Variants in WDR20 observed in about 807,000 individuals in gnomAD.
WDR20 encodes WD repeat domain 20, also known as WD repeat-containing protein 20.
WDR20 carries 3 observed loss-of-function variants against 38.7 expected under a neutral mutation model. The ratio of observed to expected loss-of-function variants is 0.08; its 90% CI spans 0.04 to 0.20. The LOEUF (loss-of-function observed/expected upper bound fraction) is 0.20, where lower values mean the gene tolerates loss of function less well. Ranked by LOEUF, WDR20 falls within the 10% of genes least tolerant of loss-of-function variation. WDR20 has a pLI of 1.00. For missense variants in WDR20, 559 were observed against 727.7 expected (o/e 0.77, Z 2.67); for synonymous variants, 298 against 285.6 (o/e 1.04, Z -0.44).
intron 1 of WDR20, among the ~76,000 whole-genome samples, chr14:102,164,004 A>T (rs1043652689): frequency 9.2e-5 from 14 of 152,164 alleles, no homozygotes; most frequent in African/African-American, 3.1e-4. Context: ...CAGCTAATTT[A>T]AAAATGATGG....
intron 1 of WDR20, among the ~76,000 whole-genome samples, chr14:102,186,931 C>T (rs1230063601): frequency 6.8e-6 from 1 of 147,926 alleles, no homozygotes; most frequent in Non-Finnish European, 1.5e-5. Context: ...GCCTGGGGGA[C>T]AGAACGAGAC....
chr14:102,210,250 C>T lies in WDR20; in HGVS notation c.*370C>T, dbSNP rs2062283715. 4 of 1,012,854 alleles carry T rather than the reference C, an allele frequency of 3.9e-6. No individual in the cohort carries two copies. The highest frequency in any genetic ancestry group is 1.7e-5 in the African/African-American group (1 of 57,648). The allele number at this position is 1,012,854 out of a possible 1,614,324, so 62.7% of individuals were successfully genotyped here. A position where few individuals can be genotyped will look rare whatever the true frequency, so the allele number is the denominator to read the frequency against. Reference sequence around the variant, plus strand: ...TATGCTTTAACTGGAATATTTTTTGCTTAACTACTCAATTAGAATATTGTA... The same window carrying T: ...TATGCTTTAACTGGAATATTTTTTGTTTAACTACTCAATTAGAATATTGTA... On this transcript the variant is annotated 3_prime_UTR_variant, in exon 3 of 3. Coordinates refer to ENST00000342702, the MANE Select transcript of WDR20 (RefSeq NM_144574.4).
intron 1 of WDR20, among the ~76,000 whole-genome samples, chr14:102,183,024 A>G (rs1373436997): frequency 6.6e-6 from 1 of 152,034 alleles, no homozygotes; most frequent in Admixed American, 6.6e-5. Context: ...AGATTGCGCT[A>G]CTGCACTCCA....
chr14:102,217,942 G>A (rs1254800112), downstream of WDR20, among the ~76,000 whole-genome samples: 3 of 152,212 alleles, frequency 2.0e-5, no homozygotes, highest in Non-Finnish European at 2.9e-5. Context: ...ACAGAGGCCA[G>A]CATTGGAGCC....
chr14:102,156,474 G>T (rs756451075), intron 1 of WDR20, among the ~76,000 whole-genome samples: 1 of 151,972 alleles, frequency 6.6e-6, no homozygotes, highest in Non-Finnish European at 1.5e-5. Flanking sequence ...GGCCCCATTA[G>T]ATCTTGTTAT....
intron 1 of WDR20, among the ~76,000 whole-genome samples, chr14:102,141,801 G>A (rs1004136670): frequency 3.3e-5 from 5 of 151,824 alleles, no homozygotes; most frequent in African/African-American, 1.2e-4. Context: ...TTTTGTCTCA[G>A]GAAATTAAGT....
downstream of WDR20, among the ~76,000 whole-genome samples, chr14:102,210,831 C>T (rs542378532): frequency 5.3e-5 from 8 of 152,314 alleles, no homozygotes; most frequent in Admixed American, 5.2e-4. Context: ...CCCGAGTCTT[C>T]CGACTTCTCC....
chr14:102,201,322 T>A (rs908790495), intron 2 of WDR20, among the ~76,000 whole-genome samples: 1 of 152,102 alleles, frequency 6.6e-6, no homozygotes, highest in African/African-American at 2.4e-5. Flanking sequence ...GCAGATCCAC[T>A]CACCCCCAAA....
At chr14:102,223,044 G>C in exon 4 of WDR20, 1 of 689,656 alleles carries the variant, frequency 1.5e-6, no homozygotes, top group South Asian at 1.9e-5. Context: ...GCGGCGCCGT[G>C]CTCCCGCTGC....
intron 1 of WDR20, among the ~76,000 whole-genome samples, chr14:102,159,950 T>C (rs2058270677): frequency 1.3e-5 from 2 of 152,044 alleles, no homozygotes; most frequent in South Asian, 4.1e-4. Context: ...ACAAAAAATT[T>C]AAAAACTAGC....
At chr14:102,149,773 A>C (rs2055072059) in intron 1 of WDR20, among the ~76,000 whole-genome samples, 1 of 152,200 alleles carries the variant, frequency 6.6e-6, no homozygotes, top group Non-Finnish European at 1.5e-5. Context: ...AGCACACTGC[A>C]ACCTCTGCCT....
chr14:102,214,460 A>C, downstream of WDR20: 2 of 985,484 alleles, frequency 2.0e-6, no homozygotes, highest in African/African-American at 3.5e-5. Context: ...GAACTATAAG[A>C]ACGTGCCCCT....
chr14:102,193,409 T>C (rs2152939420), intron 1 of WDR20: 1 of 1,568,866 alleles, frequency 6.4e-7, no homozygotes, highest in Admixed American at 1.7e-5. Flanking sequence ...TCATGCTTTG[T>C]ATTACACTTT....
chr14:102,224,199 G>A (rs985007109), downstream of WDR20, among the ~76,000 whole-genome samples: 15 of 151,952 alleles, frequency 9.9e-5, no homozygotes, highest in East Asian at 1.9e-4. Context: ...CCGCCACCAC[G>A]CCCGGCTAAT....
At chr14:102,202,601 C>T (rs1049652836) in intron 2 of WDR20, among the ~76,000 whole-genome samples, 2 of 151,876 alleles carry the variant, frequency 1.3e-5, no homozygotes, top group African/African-American at 4.8e-5. Flanking sequence ...AGGATGGTCT[C>T]GATCTCCTGA....
chr14:102,146,341 A>G (rs1055394099), intron 1 of WDR20, among the ~76,000 whole-genome samples: 4 of 151,688 alleles, frequency 2.6e-5, no homozygotes, highest in African/African-American at 9.7e-5. Context: ...ATTTTTGTAT[A>G]TTTAGTAGAG....
At chr14:102,203,401 CTG>C (rs1233301431) in intron 2 of WDR20, among the ~76,000 whole-genome samples, 1 of 152,062 alleles carries the variant, frequency 6.6e-6, no homozygotes, top group Non-Finnish European at 1.5e-5. Flanking sequence ...TTTTAGAACC[CTG>C]TGTGTGTTTA....
intron 1 of WDR20, among the ~76,000 whole-genome samples, chr14:102,145,746 G>A (rs748085927): frequency 1.3e-5 from 2 of 150,916 alleles, no homozygotes; most frequent in Non-Finnish European, 3.0e-5. Context: ...ACTCCAGCCC[G>A]GGCAAGAGAG....
Position 102,207,360 on chromosome 14 carries a change from C to T in WDR20, c.433-1243C>T, listed in dbSNP as rs2061733294. Among the ~76,000 whole-genome samples, 1 of 152,224 alleles carries T rather than the reference C, an allele frequency of 6.6e-6. No homozygotes were observed. Among genetic ancestry groups the T allele is most frequent in the African/African-American group, 2.4e-5 (1 of 41,456 alleles). ...TTTTAAAAATCAAGTCGTCTTATTT[C>T]TGTAATTCTCTGTAAAGATGTAGCA... is the stretch of plus-strand genomic sequence containing the variant. On this transcript the variant is annotated intron_variant, in intron 2 of 2. Transcript: ENST00000342702. This position sits in a 1 kb window ranked among gnomAD's most constrained non-coding sequence, Gnocchi z 5.0.
Sources: allele counts gnomAD v4.1 joint callset (sites outside exome capture counted in the v4.1 genomes callset), GRCh38; gene constraint gnomAD v4.1.1; non-coding constraint Gnocchi (gnomAD v3.1); transcripts MANE v1.5; gene names NCBI Gene and HGNC (gene_info 2026-07-23, HGNC 2026-07-21).